CNGA1: variants seen among roughly 807,000 people sequenced by gnomAD.
CNGA1 encodes the protein cyclic nucleotide gated channel subunit alpha 1.
CNGA1 carries 53 observed loss-of-function variants against 69.7 expected under a neutral mutation model. The ratio of observed to expected loss-of-function variants is 0.76; its 90% CI spans 0.61 to 0.96. The LOEUF is 0.96. Among genes scored for constraint, CNGA1 ranks in the 40% least tolerant of loss-of-function variants. The pLI is 0.00. For synonymous variants in CNGA1, 249 were observed against 283.5 expected, an observed-to-expected ratio of 0.88 and a Z score of 1.22; for missense variants, 739 against 811.2, an observed-to-expected ratio of 0.91 and a Z score of 1.08.
chr4:47,957,575 G>T (rs773811608), intron 3 of CNGA1, among the ~76,000 whole-genome samples: 3 of 152,094 alleles, frequency 2.0e-5, no homozygotes, highest in Non-Finnish European at 4.4e-5. Context: ...AGCTGTGATT[G>T]TGCCACTGCA....
chr4:47,971,205 G>A (rs7693852), intron 3 of CNGA1: 28,361 of 355,980 alleles, frequency 0.08, 2,344 homozygotes, highest in East Asian at 0.32. Flanking sequence ...TGTGCTGTGC[G>A]TAAAGGAGTG....
At chr4:47,949,371 T>A (rs1255523079) in intron 6 of CNGA1, among the ~76,000 whole-genome samples, 1 of 152,186 alleles carries the variant, frequency 6.6e-6, no homozygotes, top group East Asian at 1.9e-4. Flanking sequence ...CCCCAGAGAA[T>A]CACATTGTAC....
intron 2 of CNGA1, among the ~76,000 whole-genome samples, chr4:47,996,664 T>A (rs1742487026): frequency 2.0e-5 from 3 of 152,134 alleles, no homozygotes; most frequent in Admixed American, 2.0e-4. Flanking sequence ...AGTTTCTGGT[T>A]AAATAACATA....
intron 2 of CNGA1, among the ~76,000 whole-genome samples, chr4:48,007,389 A>G (rs182219405): frequency 1.3e-5 from 2 of 152,222 alleles, no homozygotes; most frequent in South Asian, 2.1e-4. Flanking sequence ...AGCCCTTACA[A>G]TCCCACATGC....
chr4:48,012,878 C>A (rs1715230136), intron 1 of CNGA1: 1 of 151,908 alleles, frequency 6.6e-6, no homozygotes, highest in Admixed American at 6.6e-5. Context: ...AACCCCAATT[C>A]AGTTACTTAC....
chr4:48,014,497 AT>A (rs1287996679), intron 1 of CNGA1, among the ~76,000 whole-genome samples: 2 of 152,210 alleles, frequency 1.3e-5, no homozygotes, highest in Non-Finnish European at 2.9e-5. Context: ...ATAAAGATAC[AT>A]TTTTTAAAGT....
In CNGA1 at chr4:47,949,882, G is replaced by A; in HGVS notation, c.238C>T (p.Pro80Ser). 2 of 1,613,966 alleles carry A rather than the reference G, an allele frequency of 1.2e-6. No homozygotes were observed. The highest frequency in any genetic ancestry group is 1.7e-6 in the Non-Finnish European group (2 of 1,179,888). ...GGPSQREQYL[P>S]GAIALFNVNN... is the part of the protein sequence containing the mutation. ...ACATTAAAAAGTGCAATGGCACCAG[G>A]CAGGTACTGCTCCCTGGGAAATGAA... The change falls in exon 6 of 11, where the codon CCT becomes TCT. Residue 80 changes from proline (P) to serine (S), a missense_variant. By Grantham distance (74) the Pro-to-Ser change is moderately conservative (BLOSUM62 -1). Coordinates refer to ENST00000514170, the MANE Select transcript of CNGA1 (RefSeq NM_001379270.1).
At chr4:48,004,087 T>C (rs1194059120) in intron 2 of CNGA1, among the ~76,000 whole-genome samples, 1 of 152,218 alleles carries the variant, frequency 6.6e-6, no homozygotes, top group African/African-American at 2.4e-5. Flanking sequence ...TAGTTAGCAG[T>C]AGCAAATTAG....
At chr4:47,947,281 GCACCACAGCCTCACTT>G (rs1739453085) in intron 6 of CNGA1, among the ~76,000 whole-genome samples, 1 of 152,190 alleles carries the variant, frequency 6.6e-6, no homozygotes. Flanking sequence ...GTCTGTGTCT[GCACCACAGCCTCACTT>G]AGAGGTGGTC....
intron 6 of CNGA1, among the ~76,000 whole-genome samples, chr4:47,944,228 G>A (rs557895105): frequency 6.6e-6 from 1 of 152,272 alleles, no homozygotes; most frequent in South Asian, 2.1e-4. Flanking sequence ...GAGAGAGGAT[G>A]TTAGAGCAGG....
At chr4:47,990,364 C>T (rs1287145085) in intron 2 of CNGA1, among the ~76,000 whole-genome samples, 2 of 152,068 alleles carry the variant, frequency 1.3e-5, no homozygotes, top group Non-Finnish European at 2.9e-5. Context: ...CTGTCTTATG[C>T]GGTTGAGATA....
At chr4:48,008,273 T>A (rs145950903) in intron 2 of CNGA1, among the ~76,000 whole-genome samples, 21 of 152,322 alleles carry the variant, frequency 1.4e-4, no homozygotes, top group African/African-American at 4.8e-4. Flanking sequence ...ATCCCTTTCT[T>A]AAACAACCAG....
chr4:47,995,161 T>C (rs987917926), intron 2 of CNGA1, among the ~76,000 whole-genome samples: 11 of 145,926 alleles, frequency 7.5e-5, no homozygotes, highest in Admixed American at 5.0e-4. Context: ...GCCTAGGTGA[T>C]GATCTTTTTG....
At chr4:48,006,159 T>G (rs1328779505) in intron 2 of CNGA1, among the ~76,000 whole-genome samples, 2 of 152,154 alleles carry the variant, frequency 1.3e-5, no homozygotes, top group Non-Finnish European at 2.9e-5. Flanking sequence ...TATCTCTCCA[T>G]GAGTCCTGAA....
chr4:47,983,643 T>C (rs192552678), intron 2 of CNGA1, among the ~76,000 whole-genome samples: 1 of 152,020 alleles, frequency 6.6e-6, no homozygotes, highest in Non-Finnish European at 1.5e-5. Context: ...AAAAAGAGAA[T>C]AAGCCCCTTG....
At chr4:47,992,905 T>C (rs1218581304) in intron 2 of CNGA1, among the ~76,000 whole-genome samples, 1 of 152,092 alleles carries the variant, frequency 6.6e-6, no homozygotes, top group Non-Finnish European at 1.5e-5. Flanking sequence ...CATAAAAGGA[T>C]GTTGGATTTT....
intron 10 of CNGA1, among the ~76,000 whole-genome samples, chr4:47,939,031 A>G (rs997695865): frequency 6.6e-6 from 1 of 151,900 alleles, no homozygotes. Flanking sequence ...AAAGAAAGAA[A>G]GAGAAAGAAA....
At chr4:47,985,605 C>T (rs770304590) in intron 2 of CNGA1, among the ~76,000 whole-genome samples, 1 of 152,166 alleles carries the variant, frequency 6.6e-6, no homozygotes, top group African/African-American at 2.4e-5. Flanking sequence ...CTTCATAGAA[C>T]TTGTCATTAT....
chr4:47,947,832 G>A (rs1324513365), intron 6 of CNGA1, among the ~76,000 whole-genome samples: 6 of 152,226 alleles, frequency 3.9e-5, no homozygotes, highest in Non-Finnish European at 4.4e-5. Flanking sequence ...GAGGCAGACT[G>A]AATGGACATA....
Sources: gnomAD v4.1 joint callset for allele counts (sites outside exome capture counted in the v4.1 genomes callset) on GRCh38, gnomAD v4.1.1 for gene constraint, MANE v1.5 for transcripts, NCBI Gene and HGNC (gene_info 2026-07-23, HGNC 2026-07-21) for gene names.